The following FSTL5 variants were observed in gnomAD, a reference collection of about 807,000 sequenced individuals.
The protein encoded by FSTL5 is follistatin like 5.
A neutral mutation model predicts 89.1 loss-of-function variants in FSTL5; 62 were observed. The observed-to-expected ratio is 0.70, with a 90% CI of 0.57 to 0.86. FSTL5 has a LOEUF of 0.86. Among genes scored for constraint, FSTL5 ranks in the 40% least tolerant of loss-of-function variants. The pLI is 0.00. For synonymous variants in FSTL5, 383 were observed against 346.2 expected (o/e 1.11, Z -1.18); for missense variants, 1,057 against 1,001.6 (o/e 1.06, Z -0.75).
intron 6 of FSTL5, among the ~76,000 whole-genome samples, chr4:161,681,285 A>C (rs1295604341): frequency 1.3e-5 from 2 of 152,132 alleles, no homozygotes; most frequent in Admixed American, 1.3e-4. Flanking sequence ...AAGGGAAATC[A>C]AAAGAAAAAA....
chr4:162,118,994 C>A (rs1384746587), intron 1 of FSTL5, among the ~76,000 whole-genome samples: 3 of 152,072 alleles, frequency 2.0e-5, no homozygotes, highest in African/African-American at 7.2e-5. Context: ...GGTGAGAGAA[C>A]CTCCTGAGGC....
At chr4:161,806,924 A>G (rs1729986572) in intron 4 of FSTL5, among the ~76,000 whole-genome samples, 3 of 152,130 alleles carry the variant, frequency 2.0e-5, no homozygotes, top group African/African-American at 7.2e-5. Flanking sequence ...AGATAGATAG[A>G]TAGATGAAAA....
At chr4:161,909,936 T>C (rs1733643379) in intron 4 of FSTL5, among the ~76,000 whole-genome samples, 2 of 152,114 alleles carry the variant, frequency 1.3e-5, no homozygotes, top group African/African-American at 4.8e-5. Flanking sequence ...AATATATGTG[T>C]GTAGTTATCA....
chr4:162,118,027 T>A (rs1223999354), intron 1 of FSTL5, among the ~76,000 whole-genome samples: 1 of 152,198 alleles, frequency 6.6e-6, no homozygotes, highest in Non-Finnish European at 1.5e-5. Flanking sequence ...AACTAGGCTT[T>A]CAATGGGAAG....
intron 14 of FSTL5, among the ~76,000 whole-genome samples, chr4:161,457,485 T>A (rs888305304): frequency 7.2e-5 from 11 of 152,178 alleles, no homozygotes; most frequent in Admixed American, 1.3e-4. Context: ...GGCTGTTTTC[T>A]GTGTACAATG....
chr4:161,991,820 T>C (rs2111078200), intron 3 of FSTL5, among the ~76,000 whole-genome samples: 1 of 152,092 alleles, frequency 6.6e-6, no homozygotes, highest in South Asian at 2.1e-4. Context: ...AAAGAAGGGG[T>C]AGAGGATAGG....
chr4:162,112,136 G>A (rs146416424), intron 1 of FSTL5, among the ~76,000 whole-genome samples: 169 of 152,228 alleles, frequency 1.1e-3, no homozygotes, highest in African/African-American at 3.9e-3. Context: ...TTGAGTTCAA[G>A]TATATCCTGC....
intron 15 of FSTL5, among the ~76,000 whole-genome samples, chr4:161,426,348 A>C (rs1732167453): frequency 6.6e-6 from 1 of 152,208 alleles, no homozygotes; most frequent in Admixed American, 6.5e-5. Context: ...AATCATAATA[A>C]GTCTTGAGAA....
chr4:161,516,547 A>G (rs1730838240), intron 10 of FSTL5, among the ~76,000 whole-genome samples: 1 of 146,142 alleles, frequency 6.8e-6, no homozygotes. Context: ...ACATATAGTA[A>G]ATTATATATA....
chr4:161,723,011 G>A (rs1739267712), intron 6 of FSTL5, among the ~76,000 whole-genome samples: 1 of 152,156 alleles, frequency 6.6e-6, no homozygotes, highest in Non-Finnish European at 1.5e-5. Context: ...AATTTTAAAA[G>A]AGCAGAAATC....
chr4:161,394,718 T>C (rs1730942621), intron 15 of FSTL5, among the ~76,000 whole-genome samples: 1 of 152,230 alleles, frequency 6.6e-6, no homozygotes, highest in African/African-American at 2.4e-5. Flanking sequence ...CCAGACTATG[T>C]AATATACATA....
At position 162,086,814 on chromosome 4, in the gene FSTL5, G is replaced by A. The variant is rs565669540; in HGVS notation, c.126+24457C>T. 1.9e-3 allele frequency among the ~76,000 whole-genome samples: 296 copies of A among 151,996 alleles called. 4 individuals carry two copies. Among genetic ancestry groups the A allele is most frequent in the African/African-American group, 6.9e-3 (285 of 41,504 alleles). On this transcript the variant is annotated intron_variant, in intron 2 of 15. Transcript: ENST00000306100. ...AAATAATAACAAAATTTTAGATTTA[G>A]AAAGAAGTTAATGCTTCAATAATGT...
At chr4:161,835,246 C>T (rs930329597) in intron 4 of FSTL5, among the ~76,000 whole-genome samples, 1 of 151,886 alleles carries the variant, frequency 6.6e-6, no homozygotes, top group Admixed American at 6.6e-5. Context: ...AACTGGCTAG[C>T]CATAAGTAGA....
intron 10 of FSTL5, among the ~76,000 whole-genome samples, chr4:161,520,125 A>G (rs992047948): frequency 2.6e-5 from 4 of 152,168 alleles, no homozygotes; most frequent in African/African-American, 9.6e-5. Context: ...CAGAGAACAG[A>G]ATCATTAGAG....
At chr4:161,447,913 C>A (rs1199506000) in intron 15 of FSTL5, among the ~76,000 whole-genome samples, 1 of 152,020 alleles carries the variant, frequency 6.6e-6, no homozygotes, top group Non-Finnish European at 1.5e-5. Flanking sequence ...TTATGAATAT[C>A]TTCTGTTTTC....
At chr4:161,684,675 G>A (rs953007795) in intron 6 of FSTL5, among the ~76,000 whole-genome samples, 3 of 151,946 alleles carry the variant, frequency 2.0e-5, no homozygotes, top group South Asian at 2.1e-4. Context: ...GTCCTTTGTA[G>A]GATGCACAGT....
intron 4 of FSTL5, among the ~76,000 whole-genome samples, chr4:161,782,532 C>T (rs978230248): frequency 6.6e-6 from 1 of 151,922 alleles, no homozygotes; most frequent in East Asian, 1.9e-4. Context: ...TTTATCCTAC[C>T]CTCGCTTTCT....
intron 4 of FSTL5, among the ~76,000 whole-genome samples, chr4:161,889,120 A>C (rs1579170730): frequency 6.6e-6 from 1 of 152,256 alleles, no homozygotes; most frequent in East Asian, 1.9e-4. Flanking sequence ...TTTCTTCCAC[A>C]ATTAGAATAG....
At chr4:162,031,421 TG>T in intron 3 of FSTL5, among the ~76,000 whole-genome samples, 1 of 152,206 alleles carries the variant, frequency 6.6e-6, no homozygotes, top group Non-Finnish European at 1.5e-5. Flanking sequence ...TCAGAATTTT[TG>T]TCATTTGCCA....
Sources: allele counts gnomAD v4.1 joint callset (sites outside exome capture counted in the v4.1 genomes callset), GRCh38; gene constraint gnomAD v4.1.1; transcripts MANE v1.5; gene names NCBI Gene and HGNC (gene_info 2026-07-23, HGNC 2026-07-21).